Variants in RNF144A observed in about 807,000 individuals in gnomAD.
The protein encoded by RNF144A is E3 ubiquitin-protein ligase RNF144A.
RNF144A carries 11 observed loss-of-function variants against 38.7 expected under a neutral mutation model. The ratio of observed to expected loss-of-function variants is 0.28; its 90% CI spans 0.18 to 0.47. The LOEUF (loss-of-function observed/expected upper bound fraction) is 0.47. Among genes scored for constraint, RNF144A ranks in the 20% least tolerant of loss-of-function variants. The pLI, the probability that RNF144A is intolerant of heterozygous loss-of-function variation, is 0.99. For missense variants in RNF144A, 316 were observed against 377.2 expected (o/e 0.84, Z 1.34); for synonymous variants, 149 against 143.9 (o/e 1.04, Z -0.25).
intron 6 of RNF144A, among the ~76,000 whole-genome samples, chr2:7,066,957 C>T (rs758919319): frequency 6.6e-6 from 1 of 152,082 alleles, no homozygotes; most frequent in Admixed American, 6.5e-5. Flanking sequence ...AAAGCAAACT[C>T]AAAAAGAGCC....
chr2:7,002,340 C>T (rs1174216425), intron 3 of RNF144A, among the ~76,000 whole-genome samples: 2 of 152,208 alleles, frequency 1.3e-5, no homozygotes, highest in Non-Finnish European at 2.9e-5. Flanking sequence ...ATCCCTTGCT[C>T]AGCATTAGAT....
At position 6,958,157 on chromosome 2, in the gene RNF144A, C is replaced by T. The variant is rs944996638; in HGVS notation, c.-12+17010C>T. 6.6e-5 allele frequency among the ~76,000 whole-genome samples: 10 copies of T among 152,356 alleles called. No homozygotes were observed. In the South Asian group the frequency reaches 1.2e-3, roughly 19 times the overall value. On this transcript the variant is annotated intron_variant, in intron 2 of 8. Transcript: ENST00000320892. The surrounding 1 kb of genome is among the most constrained non-coding windows in gnomAD (Gnocchi z 4.5). ...TGCGCAGCCACCATGGGGCACCGGG[C>T]GTGCTGTCTCTTCCTGGAAGGTGGA... is the stretch of plus-strand genomic sequence containing the variant.
chr2:7,003,712 A>C (rs1670262815), intron 3 of RNF144A, among the ~76,000 whole-genome samples: 1 of 152,256 alleles, frequency 6.6e-6, no homozygotes, highest in East Asian at 1.9e-4. Context: ...TGTAACTGGC[A>C]AGGACTAGAG....
At position 7,042,697 on chromosome 2, in the gene RNF144A, C is replaced by T. The variant is rs954609007; in HGVS notation, c.*2937C>T. 2 of 985,386 alleles carry T rather than the reference C, an allele frequency of 2.0e-6. No homozygotes were observed. The highest frequency in any genetic ancestry group is 2.4e-6 in the Non-Finnish European group (2 of 829,980). 61.0% of individuals were successfully genotyped at this position (985,386 alleles called of 1,614,324 possible). A position where few individuals can be genotyped will look rare whatever the true frequency, so the allele number is the denominator to read the frequency against. Reference sequence around the variant, plus strand: ...AGCTTGCAGCCTCATAGGAGGTCAGCACCTTGCAAAGATGCAGTCACCATA... The same window carrying T: ...AGCTTGCAGCCTCATAGGAGGTCAGTACCTTGCAAAGATGCAGTCACCATA... On this transcript the variant is annotated 3_prime_UTR_variant, in exon 9 of 9. Transcript: ENST00000320892.
chr2:7,032,424 G>C (rs897305974), intron 8 of RNF144A, among the ~76,000 whole-genome samples: 1 of 152,244 alleles, frequency 6.6e-6, no homozygotes, highest in African/African-American at 2.4e-5. Flanking sequence ...AAGCGCTGCA[G>C]ACTGGGTGGC....
At chr2:7,073,663 A>G in the RNF144A span, among the ~76,000 whole-genome samples, 1 of 152,248 alleles carries the variant, frequency 6.6e-6, no homozygotes, top group African/African-American at 2.4e-5. Flanking sequence ...AGTAAAGATT[A>G]TAACAAGCTG....
chr2:6,952,594 G>GTA (rs1180576960), intron 2 of RNF144A, among the ~76,000 whole-genome samples: 10 of 149,180 alleles, frequency 6.7e-5, no homozygotes, highest in Admixed American at 3.3e-4. Context: ...TAAGCTTTAT[G>GTA]TATATATATA....
At chr2:6,931,400 G>T (rs1010547688) in intron 1 of RNF144A, among the ~76,000 whole-genome samples, 1 of 152,248 alleles carries the variant, frequency 6.6e-6, no homozygotes, top group Admixed American at 6.5e-5. Context: ...CCAAAATGCA[G>T]ATTAACAAAT....
the RNF144A span, among the ~76,000 whole-genome samples, chr2:7,075,293 C>A: frequency 1.4e-5 from 2 of 147,102 alleles, no homozygotes; most frequent in Admixed American, 1.3e-4. Context: ...CCCCCCCCCA[C>A]ACAGTGTTCT....
In RNF144A at chr2:6,943,524, G is replaced by T. The variant is rs1270420394; in HGVS notation, c.-12+2377G>T. Among the ~76,000 whole-genome samples the T allele has an allele frequency of 6.6e-6, 1 of 152,230 alleles. No homozygotes were observed. The highest frequency in any genetic ancestry group is 6.5e-5 in the Admixed American group (1 of 15,288). Reference sequence around the variant, plus strand: ...TAGGAGAATTATTTTTCAGTTGGAAGCATTATCAGCATGTTTAGATGCTGA... The same window carrying T: ...TAGGAGAATTATTTTTCAGTTGGAATCATTATCAGCATGTTTAGATGCTGA... On this transcript the variant is annotated intron_variant, in intron 2 of 8. Transcript: ENST00000320892. This position sits in a 1 kb window ranked among gnomAD's most constrained non-coding sequence, Gnocchi z 4.3.
intron 2 of RNF144A, among the ~76,000 whole-genome samples, chr2:6,975,180 T>C (rs891913155): frequency 6.6e-6 from 1 of 152,180 alleles, no homozygotes; most frequent in Non-Finnish European, 1.5e-5. Context: ...GACAGAGGAC[T>C]ACGAAAGGCA....
intron 2 of RNF144A, among the ~76,000 whole-genome samples, chr2:6,975,738 A>C (rs561781239): frequency 6.6e-6 from 1 of 152,264 alleles, no homozygotes; most frequent in South Asian, 2.1e-4. Context: ...AGGTGGGAGG[A>C]TCACCTGAGC....
At chr2:7,026,130 A>G (rs1671877104) in intron 7 of RNF144A, among the ~76,000 whole-genome samples, 1 of 152,202 alleles carries the variant, frequency 6.6e-6, no homozygotes, top group Non-Finnish European at 1.5e-5. Flanking sequence ...TCTAGAAGAA[A>G]ATGAGTGTCT....
chr2:7,035,005 C>T (rs1428022667), intron 8 of RNF144A, among the ~76,000 whole-genome samples: 1 of 152,184 alleles, frequency 6.6e-6, no homozygotes, highest in Non-Finnish European at 1.5e-5. Context: ...TCAGACGGGG[C>T]ATAACCTGAA....
chr2:6,931,950 A>T (rs1408217411), intron 1 of RNF144A, among the ~76,000 whole-genome samples: 1 of 152,194 alleles, frequency 6.6e-6, no homozygotes, highest in Non-Finnish European at 1.5e-5. Context: ...AGTGCTATTC[A>T]GTTCAACTAT....
At chr2:6,923,748 G>A (rs963192401) in intron 1 of RNF144A, among the ~76,000 whole-genome samples, 3 of 151,904 alleles carry the variant, frequency 2.0e-5, no homozygotes, top group African/African-American at 4.8e-5. Flanking sequence ...GTTCTCTCTC[G>A]TCTTCCCAGG....
chr2:6,969,222 A>G (rs1181470401), intron 2 of RNF144A, among the ~76,000 whole-genome samples: 2 of 152,150 alleles, frequency 1.3e-5, no homozygotes, highest in African/African-American at 4.8e-5. Context: ...GTATGTTGGA[A>G]TCCTAACTCC....
chr2:7,004,744 G>A (rs930268303), intron 3 of RNF144A, among the ~76,000 whole-genome samples: 1 of 152,098 alleles, frequency 6.6e-6, no homozygotes, highest in Non-Finnish European at 1.5e-5. Context: ...ACAGGACTTC[G>A]ACGTTTCTCA....
rs1421381779 is a variant in RNF144A, at chr2:7,043,656, GT to G, written c.*3898del. 1.0e-6 allele frequency: 1 copy of G among 985,598 alleles called. No individual in the cohort carries two copies. The highest frequency in any genetic ancestry group is 1.2e-6 in the Non-Finnish European group (1 of 829,832). The allele number at this position is 985,598 out of a possible 1,614,324, so 61.1% of individuals were successfully genotyped here. ...CACCAAAAGGAACAAAGGGGCCTGCGTTAAAACCTAATTGCTAATGCTTCAC... is the reference window on the plus strand; with the variant it reads ...CACCAAAAGGAACAAAGGGGCCTGCGTAAAACCTAATTGCTAATGCTTCAC... On this transcript the variant is annotated 3_prime_UTR_variant, in exon 9 of 9. Transcript: ENST00000320892.
Sources: allele counts gnomAD v4.1 joint callset (sites outside exome capture counted in the v4.1 genomes callset), GRCh38; gene constraint gnomAD v4.1.1; non-coding constraint Gnocchi (gnomAD v3.1); transcripts MANE v1.5; gene names NCBI Gene and HGNC (gene_info 2026-07-23, HGNC 2026-07-21).